The following NKD1 variants were observed in gnomAD, a reference collection of about 807,000 sequenced individuals.
NKD1 encodes protein naked cuticle homolog 1.
In NKD1, 21 loss-of-function variants were observed where a neutral mutation model predicts 56.0. The observed-to-expected ratio is 0.38, with a 90% CI of 0.27 to 0.54. The LOEUF is 0.54. NKD1 is among the 20% of genes least tolerant of loss of function. The pLI is 0.82. For missense variants in NKD1, 578 were observed against 642.7 expected (o/e 0.90, Z 1.09); for synonymous variants, 263 against 265.7 (o/e 0.99, Z 0.10).
intron 3 of NKD1, chr16:50,574,651 G>T: frequency 1.0e-6 from 1 of 985,448 alleles, no homozygotes; most frequent in Non-Finnish European, 1.2e-6. Flanking sequence ...CGTGCCAGGA[G>T]CCAGGGGGTC....
intron 3 of NKD1, chr16:50,573,047 T>G (rs1295837774): frequency 1.8e-5 from 3 of 166,952 alleles, no homozygotes; most frequent in African/African-American, 7.2e-5. Flanking sequence ...AAAGCGAAAC[T>G]AGTAGTTGAA....
intron 3 of NKD1, among the ~76,000 whole-genome samples, chr16:50,603,663 G>A (rs1304376853): frequency 6.6e-6 from 1 of 152,248 alleles, no homozygotes. Flanking sequence ...GTTACATTCA[G>A]AAGTAGGAAG....
At chr16:50,630,952 C>A in intron 8 of NKD1, 42 bp downstream of exon 8, 1 of 1,457,272 alleles carries the variant, frequency 6.9e-7, no homozygotes, top group Non-Finnish European at 9.4e-7. Context: ...TGAGCACCAG[C>A]TGTGTACCTG....
chr16:50,584,286 T>C (rs1961181330), intron 3 of NKD1, among the ~76,000 whole-genome samples: 1 of 152,230 alleles, frequency 6.6e-6, no homozygotes, highest in African/African-American at 2.4e-5. Context: ...CCCCAGTGCC[T>C]TATCAAGTTT....
chr16:50,628,569 T>C (rs1596757823), intron 6 of NKD1, among the ~76,000 whole-genome samples: 1 of 152,300 alleles, frequency 6.6e-6, no homozygotes, highest in Non-Finnish European at 1.5e-5. Context: ...CCACAGCAGA[T>C]ACCCAGATAG....
intron 4 of NKD1, among the ~76,000 whole-genome samples, chr16:50,613,852 G>C (rs1327248781): frequency 1.3e-5 from 2 of 152,170 alleles, no homozygotes; most frequent in Non-Finnish European, 2.9e-5. Flanking sequence ...TCCCTGAACA[G>C]ATGTTTCGTC....
At chr16:50,554,524 T>C (rs1960458855) in intron 3 of NKD1, among the ~76,000 whole-genome samples, 1 of 152,194 alleles carries the variant, frequency 6.6e-6, no homozygotes, top group African/African-American at 2.4e-5. Context: ...GCTTCCAAAT[T>C]CCATCTTTTC....
At chr16:50,568,888 T>C (rs1419501229) in intron 3 of NKD1, among the ~76,000 whole-genome samples, 1 of 152,240 alleles carries the variant, frequency 6.6e-6, no homozygotes, top group Non-Finnish European at 1.5e-5. Flanking sequence ...GTTTTGTCTG[T>C]GTCTGGAGCA....
chr16:50,618,889 C>A (rs1170636452), intron 4 of NKD1, among the ~76,000 whole-genome samples: 1 of 152,136 alleles, frequency 6.6e-6, no homozygotes, highest in African/African-American at 2.4e-5. Context: ...GTTTTCCAGC[C>A]CCTTCAGGTG....
rs781481787 is a variant in NKD1 at position 50,548,538 on chromosome 16, C to A, written c.-16C>A. 1 of 1,464,156 alleles carries A rather than the reference C, an allele frequency of 6.8e-7. No homozygotes were observed. 90.7% of individuals were successfully genotyped at this position (1,464,156 alleles called of 1,614,324 possible). ...GCGCATGGCTTAGGGACGCTCCCGG[C>A]CGCCGCAGCCCCAGCATGGGGAAAC... On this transcript the variant is annotated 5_prime_UTR_variant, in exon 1 of 10. Transcript: ENST00000268459.
chr16:50,599,222 G>A (rs1176734168), intron 3 of NKD1, among the ~76,000 whole-genome samples: 1 of 152,136 alleles, frequency 6.6e-6, no homozygotes, highest in Non-Finnish European at 1.5e-5. Context: ...AGGGCCCGGA[G>A]GGAGAAGGAG....
At chr16:50,607,448 G>T in intron 3 of NKD1, 1 of 162,266 alleles carries the variant, frequency 6.2e-6, no homozygotes, top group Non-Finnish European at 1.4e-5. Flanking sequence ...GCTGAGTTTG[G>T]GCTTTTTTAT....
In NKD1 at chr16:50,635,975, C is replaced by G. The variant is rs191533721; in HGVS notation, c.*2194C>G. On this transcript the variant is annotated 3_prime_UTR_variant, in exon 10 of 10. Transcript: ENST00000268459. This position sits in a 1 kb window ranked among gnomAD's most constrained non-coding sequence, Gnocchi z 4.1. ...TCCCTCTTGTCCCTCGGATTGATAA[C>G]TTGTACTCAACTACATGCTTTTGTC... The G allele has an allele frequency of 2.6e-5, 4 of 152,376 alleles. No individual in the cohort carries two copies. In the East Asian group the frequency reaches 5.8e-4, roughly 22 times the overall value. The allele number at this position is 152,376 out of a possible 1,614,324, so 9.4% of individuals were successfully genotyped here. A position where few individuals can be genotyped will look rare whatever the true frequency, so the allele number is the denominator to read the frequency against.
intron 3 of NKD1, among the ~76,000 whole-genome samples, chr16:50,583,648 C>G (rs1026650799): frequency 3.3e-5 from 5 of 152,130 alleles, no homozygotes; most frequent in Admixed American, 1.3e-4. Flanking sequence ...TGATGGATAG[C>G]TGACACAGAG....
At chr16:50,607,220 CAAAA>C (rs528130248) in intron 3 of NKD1, 7 of 344,968 alleles carry the variant, frequency 2.0e-5, no homozygotes, top group Non-Finnish European at 3.5e-5. Context: ...AAACAAAAAA[CAAAA>C]AAAAGCAAGA....
At position 50,630,818 on chromosome 16, in the gene NKD1, G is replaced by A. The variant is rs370557076; in HGVS notation, c.611-8G>A. The A allele has an allele frequency of 2.0e-5, 31 of 1,588,404 alleles. No individual in the cohort carries two copies. The highest frequency in any genetic ancestry group is 1.1e-4 in the Admixed American group (6 of 56,650). On this transcript the variant is annotated splice_polypyrimidine_tract_variant and splice_region_variant and intron_variant, in intron 7 of 9. Coordinates refer to ENST00000268459, the MANE Select transcript of NKD1 (RefSeq NM_033119.5). ...TGGTGTCTCCTGTGCTTCTCGGGCC[G>A]GACTCAGACCTGCAGAGCGCAAGGC...
chr16:50,621,493 C>G, intron 4 of NKD1, 109 bp from the exon 5 acceptor site: 1 of 717,544 alleles, frequency 1.4e-6, no homozygotes, highest in Non-Finnish European at 2.3e-6. Flanking sequence ...CGGGCCCAGC[C>G]CCCTGGCGAG....
At chr16:50,610,520 GCCTGCTCTGGA>G (rs1306178159) in intron 4 of NKD1, among the ~76,000 whole-genome samples, 2 of 152,246 alleles carry the variant, frequency 1.3e-5, no homozygotes, top group African/African-American at 4.8e-5. Flanking sequence ...AAAACCAGCT[GCCTGCTCTGGA>G]CCTGGGACTG....
At chr16:50,583,346 C>T (rs998681771) in intron 3 of NKD1, among the ~76,000 whole-genome samples, 4 of 152,108 alleles carry the variant, frequency 2.6e-5, no homozygotes, top group South Asian at 2.1e-4. Flanking sequence ...GCTCTGAGAC[C>T]GAACAGGACA....
Sources: allele counts gnomAD v4.1 joint callset (sites outside exome capture counted in the v4.1 genomes callset), GRCh38; gene constraint gnomAD v4.1.1; non-coding constraint Gnocchi (gnomAD v3.1); transcripts MANE v1.5; gene names NCBI Gene and HGNC (gene_info 2026-07-23, HGNC 2026-07-21).